Variants in MYO1B observed in about 807,000 individuals in gnomAD.
The protein encoded by MYO1B is unconventional myosin-Ib.
MYO1B carries 72 observed loss-of-function variants against 159.7 expected under a neutral mutation model. The observed-to-expected ratio is 0.45, with a 90% confidence interval of 0.37 to 0.55. The LOEUF (loss-of-function observed/expected upper bound fraction) is 0.55. Among genes scored for constraint, MYO1B ranks in the 20% least tolerant of loss-of-function variants. MYO1B has a pLI of 0.00. For missense variants in MYO1B, 1,062 were observed against 1,364.8 expected, an observed-to-expected ratio of 0.78 and a Z score of 3.50; for synonymous variants, 468 against 473.8, an observed-to-expected ratio of 0.99 and a Z score of 0.16.
chr2:191,347,948 T>C (rs1189270709), intron 6 of MYO1B, among the ~76,000 whole-genome samples: 1 of 152,238 alleles, frequency 6.6e-6, no homozygotes, highest in Non-Finnish European at 1.5e-5. Flanking sequence ...TAGACCCTGC[T>C]ATGTTGTAGT....
chr2:191,268,847 C>A (rs1252162263), intron 1 of MYO1B, among the ~76,000 whole-genome samples: 1 of 152,150 alleles, frequency 6.6e-6, no homozygotes, highest in African/African-American at 2.4e-5. Context: ...GTATACCCAC[C>A]ACTCAGTTAG....
chr2:191,308,791 A>C (rs1474308328), intron 3 of MYO1B, among the ~76,000 whole-genome samples: 1 of 152,210 alleles, frequency 6.6e-6, no homozygotes, highest in Non-Finnish European at 1.5e-5. Flanking sequence ...ATCAAATCCC[A>C]TGGTCAGTTT....
At chr2:191,309,718 T>C (rs921397142) in intron 3 of MYO1B, among the ~76,000 whole-genome samples, 1 of 152,230 alleles carries the variant, frequency 6.6e-6, no homozygotes, top group Non-Finnish European at 1.5e-5. Flanking sequence ...GTTCTCTTAC[T>C]GCAATCAGGA....
intron 11 of MYO1B, among the ~76,000 whole-genome samples, chr2:191,369,086 G>T (rs1320515188): frequency 6.6e-6 from 1 of 152,106 alleles, no homozygotes; most frequent in Non-Finnish European, 1.5e-5. Context: ...GTGTATAAGG[G>T]TTTTAAAAAA....
intron 6 of MYO1B, 63 bp downstream of exon 6, chr2:191,346,345 C>T: frequency 1.8e-6 from 2 of 1,094,066 alleles, no homozygotes; most frequent in Non-Finnish European, 1.3e-6. Flanking sequence ...TTTAAACAAC[C>T]AGTAGATGTT....
At chr2:191,265,225 A>G (rs896400716) in intron 1 of MYO1B, among the ~76,000 whole-genome samples, 5 of 148,458 alleles carry the variant, frequency 3.4e-5, no homozygotes, top group Non-Finnish European at 3.0e-5. Flanking sequence ...CCATTCTGCC[A>G]TAGTGTATCC....
intron 13 of MYO1B, among the ~76,000 whole-genome samples, chr2:191,380,410 AT>A (rs1287323390): frequency 3.3e-5 from 5 of 152,210 alleles, no homozygotes; most frequent in Non-Finnish European, 4.4e-5. Context: ...ACTGGCCACC[AT>A]TGTGGGAGAA....
rs201000178 is a variant in MYO1B, at chr2:191,277,051, T to C, written c.135+21T>C. The C allele has an allele frequency of 6.8e-6, 11 of 1,610,010 alleles. No individual in the cohort carries two copies. In the East Asian group the frequency reaches 2.2e-4, roughly 33 times the overall value. ...TATACGTAAGTACACACGAAGGTCA[T>C]CTGTAATGTTTAGACTTTGTATTTT... is the stretch of plus-strand genomic sequence containing the variant. On this transcript the variant is annotated intron_variant, in intron 2 of 30. Transcript: ENST00000392318.
chr2:191,414,189 G>A lies in MYO1B; in HGVS notation c.3006+9G>A. 1 of 1,609,320 alleles carries A rather than the reference G, an allele frequency of 6.2e-7. No homozygotes were observed. Among genetic ancestry groups the A allele is most frequent in the Non-Finnish European group, 8.5e-7 (1 of 1,178,458 alleles). ...ACCGTGCTAATGGGAAGGTAAAAAT[G>A]CTAACCTTGAAGACTGATAAGAAGT... On this transcript the variant is annotated intron_variant, in intron 28 of 30. Transcript: ENST00000392318.
intron 1 of MYO1B, among the ~76,000 whole-genome samples, chr2:191,254,049 A>C (rs184510445): frequency 3.2e-4 from 48 of 152,304 alleles, no homozygotes; most frequent in African/African-American, 1.1e-3. Context: ...GCTGGTGTAC[A>C]AGAAAGGGAT....
chr2:191,383,727 C>T (rs150823796), intron 15 of MYO1B, among the ~76,000 whole-genome samples: 164 of 151,754 alleles, frequency 1.1e-3, no homozygotes, highest in Non-Finnish European at 2.1e-3. Flanking sequence ...TTAAAGGTAC[C>T]AGCCTTTCTT....
chr2:191,330,743 T>C (rs979256401), intron 4 of MYO1B, among the ~76,000 whole-genome samples: 2 of 152,154 alleles, frequency 1.3e-5, no homozygotes, highest in African/African-American at 4.8e-5. Context: ...GATGAGTCTG[T>C]GGAGGAGGAA....
intron 1 of MYO1B, among the ~76,000 whole-genome samples, chr2:191,257,517 A>G (rs1176003841): frequency 1.3e-5 from 2 of 152,240 alleles, no homozygotes; most frequent in African/African-American, 4.8e-5. Flanking sequence ...TTTCTTCAAA[A>G]GCCCATTGAT....
rs57237733 is a variant in MYO1B, at chr2:191,260,254, C to CTTTTTTTTTTTTTTTTTTT, written c.-10+14641_-10+14642insTTTTTTTTTTTTTTTTTTT. Among the ~76,000 whole-genome samples the CTTTTTTTTTTTTTTTTTTT allele has an allele frequency of 2.5e-3, 154 of 60,986 alleles. 43 individuals carry two copies. The highest frequency in any genetic ancestry group is 5.0e-3 in the East Asian group (6 of 1,200). The allele number at this position is 60,986 out of a possible 152,430, so 40.0% of individuals were successfully genotyped here. On this transcript the variant is annotated intron_variant, in intron 1 of 30. Transcript: ENST00000392318. ...TAATATTACTTTTTTCCCAGATAGGCTTTTTTTTTTTTTGAATTAAAGCTA... is the reference window on the plus strand; with the variant it reads ...TAATATTACTTTTTTCCCAGATAGGCTTTTTTTTTTTTTTTTTTTTTTTTTTTTTTTTGAATTAAAGCTA...
At position 191,251,777 on chromosome 2, in the gene MYO1B, C is replaced by T. The variant is rs192295465; in HGVS notation, c.-10+6151C>T. 7.9e-5 allele frequency among the ~76,000 whole-genome samples: 12 copies of T among 152,278 alleles called. No individual in the cohort carries two copies. The East Asian group carries it at 1.5e-3, about 20-fold the overall frequency. ...TTATCGACATTATAATACATTTACA[C>T]GTCATTTGCCTACTTAATTTTCACT... is the stretch of plus-strand genomic sequence containing the variant. On this transcript the variant is annotated intron_variant, in intron 1 of 30. Coordinates refer to ENST00000392318, the MANE Select transcript of MYO1B (RefSeq NM_001130158.3).
intron 4 of MYO1B, among the ~76,000 whole-genome samples, chr2:191,337,135 A>G (rs990837582): frequency 2.6e-5 from 4 of 152,176 alleles, no homozygotes; most frequent in African/African-American, 9.7e-5. Flanking sequence ...TGCTCCATTA[A>G]CATAGATAGG....
chr2:191,390,679 T>C (rs575543505), intron 18 of MYO1B, among the ~76,000 whole-genome samples, 187 bp downstream of exon 18: 150 of 152,304 alleles, frequency 9.8e-4, no homozygotes, highest in African/African-American at 3.5e-3. Flanking sequence ...AAATCCACAT[T>C]TGGGACTTGT....
chr2:191,272,932 A>ACT (rs1687541677), intron 1 of MYO1B, among the ~76,000 whole-genome samples: 1 of 152,090 alleles, frequency 6.6e-6, no homozygotes, highest in Admixed American at 6.6e-5. Context: ...CCAGTCTCTT[A>ACT]CTAGGTAAAA....
intron 1 of MYO1B, among the ~76,000 whole-genome samples, chr2:191,265,181 G>T (rs897807841): frequency 7.4e-6 from 1 of 135,258 alleles, no homozygotes; most frequent in Non-Finnish European, 1.6e-5. Context: ...CGATGGGAAG[G>T]CCCCTGTTTT....
Sources: gnomAD v4.1 joint callset for allele counts (sites outside exome capture counted in the v4.1 genomes callset) on GRCh38, gnomAD v4.1.1 for gene constraint, MANE v1.5 for transcripts, NCBI Gene and HGNC (gene_info 2026-07-23, HGNC 2026-07-21) for gene names.